Variants in FHOD3 observed in about 807,000 individuals in gnomAD.
FHOD3 encodes FH1/FH2 domain-containing protein 3.
In FHOD3, 90 loss-of-function variants were observed where a neutral mutation model predicts 173.0. That is an observed-to-expected ratio of 0.52 (90% CI 0.44 to 0.62). The LOEUF (loss-of-function observed/expected upper bound fraction) is 0.62, where lower values mean the gene tolerates loss of function less well. FHOD3 is among the 20% of genes least tolerant of loss of function. FHOD3 has a pLI of 0.00. For synonymous variants in FHOD3, 828 were observed against 823.0 expected (o/e 1.01, Z -0.10); for missense variants, 1,945 against 2,034.7 (o/e 0.96, Z 0.85).
intron 1 of FHOD3, 78 bp from the exon 2 acceptor site, chr18:36,355,461 G>A (rs898259123): frequency 7.7e-6 from 9 of 1,164,338 alleles, no homozygotes; most frequent in Non-Finnish European, 1.1e-5. Context: ...AACACAGGAG[G>A]GCAACATGAT....
intron 9 of FHOD3, among the ~76,000 whole-genome samples, chr18:36,619,260 G>A (rs1245728565): frequency 1.3e-5 from 2 of 152,204 alleles, no homozygotes; most frequent in African/African-American, 2.4e-5. Context: ...AGAGGATGGT[G>A]CAGAGGACTT....
intron 3 of FHOD3, among the ~76,000 whole-genome samples, chr18:36,389,847 CA>C (rs2048210773): frequency 6.6e-6 from 1 of 152,144 alleles, no homozygotes; most frequent in Admixed American, 6.5e-5. Context: ...ATGAGTAGGG[CA>C]GGCTCAGCCC....
chr18:36,360,121 G>T (rs533025330), intron 2 of FHOD3, among the ~76,000 whole-genome samples: 10 of 152,306 alleles, frequency 6.6e-5, no homozygotes, highest in African/African-American at 2.2e-4. Context: ...TGCCAGCCTG[G>T]GTCCACAGGG....
intron 10 of FHOD3, among the ~76,000 whole-genome samples, chr18:36,626,585 C>G (rs2848908): frequency 1 from 151,900 of 152,228 alleles, 75,789 homozygotes; most frequent in East Asian, 1. Flanking sequence ...GGACTTTAGG[C>G]TCCAGTCTCT....
intron 27 of FHOD3, 130 bp from the exon 28 acceptor site, chr18:36,769,134 TG>T: frequency 9.6e-7 from 1 of 1,040,684 alleles, no homozygotes; most frequent in Non-Finnish European, 1.4e-6. Flanking sequence ...TCACTAGCTC[TG>T]GGGCTTTAAC....
chr18:36,677,707 A>C (rs1172437898), intron 14 of FHOD3, among the ~76,000 whole-genome samples: 2 of 152,154 alleles, frequency 1.3e-5, no homozygotes, highest in African/African-American at 4.8e-5. Context: ...TTCTTACTCA[A>C]AATTGTCTTG....
At chr18:36,752,517 A>G (rs1432093224) in intron 24 of FHOD3, among the ~76,000 whole-genome samples, 2 of 152,202 alleles carry the variant, frequency 1.3e-5, no homozygotes, top group Non-Finnish European at 2.9e-5. Flanking sequence ...TCTTCATATC[A>G]TGTATTCTAA....
intron 5 of FHOD3, among the ~76,000 whole-genome samples, chr18:36,564,552 T>C (rs1020561131): frequency 2.6e-5 from 4 of 152,154 alleles, no homozygotes; most frequent in African/African-American, 9.7e-5. Context: ...ATATAAACTT[T>C]GCTGCTGTTG....
chr18:36,484,880 G>A (rs1000983144), intron 3 of FHOD3, among the ~76,000 whole-genome samples: 10 of 152,202 alleles, frequency 6.6e-5, no homozygotes, highest in African/African-American at 2.4e-4. Context: ...GGGCAGTGAA[G>A]GCACTGTCCC....
chr18:36,608,472 ATTGGGG>A (rs1388927114), intron 8 of FHOD3, among the ~76,000 whole-genome samples: 2 of 152,224 alleles, frequency 1.3e-5, no homozygotes, highest in African/African-American at 4.8e-5. Context: ...ACACTGCTGC[ATTGGGG>A]TTTAAGTTTC....
At chr18:36,316,781 G>A (rs538636280) in intron 1 of FHOD3, among the ~76,000 whole-genome samples, 1 of 152,084 alleles carries the variant, frequency 6.6e-6, no homozygotes, top group African/African-American at 2.4e-5. Context: ...GTGCAGGTTT[G>A]TTACATAGGT....
intron 3 of FHOD3, among the ~76,000 whole-genome samples, chr18:36,481,683 G>A (rs898250443): frequency 1.4e-4 from 21 of 152,102 alleles, no homozygotes; most frequent in Admixed American, 1.1e-3. Flanking sequence ...ACAAAAATTT[G>A]ACTTTTATTA....
At chr18:36,557,777 G>T (rs1362738448) in intron 5 of FHOD3, among the ~76,000 whole-genome samples, 2 of 151,652 alleles carry the variant, frequency 1.3e-5, no homozygotes, top group Non-Finnish European at 2.9e-5. Context: ...TTCACACACT[G>T]TGACTTGTAC....
At chr18:36,388,238 A>G (rs1005205663) in intron 3 of FHOD3, among the ~76,000 whole-genome samples, 3 of 152,070 alleles carry the variant, frequency 2.0e-5, no homozygotes, top group African/African-American at 7.2e-5. Context: ...TGATTCTTAA[A>G]TTGAACCAGA....
chr18:36,319,483 A>C (rs1039477890), intron 1 of FHOD3, among the ~76,000 whole-genome samples: 3 of 152,240 alleles, frequency 2.0e-5, no homozygotes. Context: ...CCAGATTCAT[A>C]AAGCAAGTTC....
chr18:36,465,493 G>T (rs755330852), intron 3 of FHOD3, among the ~76,000 whole-genome samples: 4 of 152,156 alleles, frequency 2.6e-5, no homozygotes, highest in East Asian at 1.9e-4. Flanking sequence ...GGAGCCAGGG[G>T]TTGGTACAGG....
intron 10 of FHOD3, among the ~76,000 whole-genome samples, chr18:36,627,115 T>A (rs2034168261): frequency 6.6e-6 from 1 of 152,214 alleles, no homozygotes; most frequent in Non-Finnish European, 1.5e-5. Flanking sequence ...ACCTTTACCA[T>A]GAGCATTGCA....
chr18:36,511,799 T>C (rs1282689529), intron 4 of FHOD3, among the ~76,000 whole-genome samples: 1 of 152,238 alleles, frequency 6.6e-6, no homozygotes, highest in Admixed American at 6.5e-5. Context: ...GTTTCTTCCA[T>C]GTCCTGCCTT....
At chr18:36,529,904 T>C (rs2056707666) in intron 5 of FHOD3, among the ~76,000 whole-genome samples, 1 of 152,134 alleles carries the variant, frequency 6.6e-6, no homozygotes, top group African/African-American at 2.4e-5. Context: ...GTCAGATCTC[T>C]GACAAGGTTC....
Sources: allele counts gnomAD v4.1 joint callset (sites outside exome capture counted in the v4.1 genomes callset), GRCh38; gene constraint gnomAD v4.1.1; transcripts MANE v1.5; gene names NCBI Gene and HGNC (gene_info 2026-07-23, HGNC 2026-07-21).